EPM2A: variants seen among roughly 807,000 people sequenced by gnomAD.
The protein encoded by EPM2A is laforin.
In EPM2A, 21 loss-of-function variants were observed where a neutral mutation model predicts 26.5. That is an observed-to-expected ratio of 0.79 (90% CI 0.56 to 1.14). The LOEUF is 1.14. EPM2A is among the 50% of genes most tolerant of loss of function. The pLI is 0.00. For missense variants in EPM2A, 458 were observed against 440.8 expected, an observed-to-expected ratio of 1.04 and a Z score of -0.35; for synonymous variants, 217 against 177.6, an observed-to-expected ratio of 1.22 and a Z score of -1.76.
At chr6:145,663,334 TC>T (rs1421326278) in intron 2 of EPM2A, among the ~76,000 whole-genome samples, 1 of 152,162 alleles carries the variant, frequency 6.6e-6, no homozygotes, top group East Asian at 1.9e-4. Context: ...TTTCTGCATT[TC>T]CATCTGAGGT....
intron 2 of EPM2A, among the ~76,000 whole-genome samples, chr6:145,583,044 TC>T (rs1781136661): frequency 6.6e-6 from 1 of 152,218 alleles, no homozygotes; most frequent in Admixed American, 6.5e-5. Flanking sequence ...ACTTTGTCTT[TC>T]ATTTCCCGTC....
In EPM2A at chr6:145,651,923, C is replaced by T. The variant is rs150176164; in HGVS notation, c.477-16437G>A. 2.5e-3 allele frequency among the ~76,000 whole-genome samples: 375 copies of T among 152,104 alleles called. 1 individual carries two copies. The highest frequency in any genetic ancestry group is 8.2e-3 in the African/African-American group (342 of 41,476). On this transcript the variant is annotated intron_variant, in intron 2 of 3. Transcript: ENST00000367519. ...AATGTCTGTGTGTGAAAATTCTATCCGCCCTCTTCTCATTGGTATTTAAGG... is the reference window on the plus strand; with the variant it reads ...AATGTCTGTGTGTGAAAATTCTATCTGCCCTCTTCTCATTGGTATTTAAGG...
chr6:145,573,609 G>T (rs1582865909), intron 2 of EPM2A, among the ~76,000 whole-genome samples: 2 of 152,172 alleles, frequency 1.3e-5, no homozygotes, highest in African/African-American at 2.4e-5. Flanking sequence ...ATCCCTCCAG[G>T]GATGCAATAT....
intron 4 of EPM2A, among the ~76,000 whole-genome samples, chr6:145,452,259 C>T (rs973738779): frequency 1.2e-4 from 19 of 152,114 alleles, no homozygotes; most frequent in African/African-American, 4.6e-4. Flanking sequence ...CACAAAATCA[C>T]GCTCTTTTTC....
intron 2 of EPM2A, among the ~76,000 whole-genome samples, chr6:145,564,223 C>T (rs1485709799): frequency 6.6e-6 from 1 of 152,136 alleles, no homozygotes; most frequent in Non-Finnish European, 1.5e-5. Context: ...ATACAGAAAG[C>T]TAACTGTATA....
At chr6:145,427,232 T>G (rs535736773) in intron 4 of EPM2A, among the ~76,000 whole-genome samples, 1 of 152,276 alleles carries the variant, frequency 6.6e-6, no homozygotes, top group African/African-American at 2.4e-5. Flanking sequence ...AACCAATGAC[T>G]GAGAGATATG....
intron 1 of EPM2A, among the ~76,000 whole-genome samples, chr6:145,724,683 G>A (rs1329401052): frequency 6.6e-6 from 1 of 151,950 alleles, no homozygotes; most frequent in Non-Finnish European, 1.5e-5. Context: ...TGAATAGAGA[G>A]CACAGAAATG....
intron 4 of EPM2A, among the ~76,000 whole-genome samples, chr6:145,486,085 T>G (rs1256200063): frequency 6.6e-6 from 1 of 152,208 alleles, no homozygotes; most frequent in Non-Finnish European, 1.5e-5. Context: ...AGCTGTGGGT[T>G]GGCTGAGAGT....
rs80268999 is a variant in EPM2A at position 145,401,881 on chromosome 6, A to T, written c.556-17784T>A. ...TAATAAGCCATTGAGTAAAATAATA[A>T]TTAGTGAGTCAATGCTAATATAAAT... On this transcript the variant is annotated intron_variant, in intron 4 of 4. Transcript: ENST00000638717. 6.1e-3 allele frequency among the ~76,000 whole-genome samples: 932 copies of T among 152,220 alleles called. 8 individuals carry two copies. Among genetic ancestry groups the T allele is most frequent in the African/African-American group, 0.022 (899 of 41,546 alleles).
In EPM2A at chr6:145,649,703, C is replaced by T. The variant is rs377652440; in HGVS notation, c.477-14217G>A. Among the ~76,000 whole-genome samples the T allele has an allele frequency of 1.3e-4, 20 of 152,302 alleles. No homozygotes were observed. In the South Asian group the frequency reaches 3.9e-3, roughly 30 times the overall value. ...CTCATGGGCCAAATTCAGTCTTCCA[C>T]CTATTTTTGTAAATAAAGTTTTATT... is the stretch of plus-strand genomic sequence containing the variant. On this transcript the variant is annotated intron_variant, in intron 2 of 3. Transcript: ENST00000367519.
intron 2 of EPM2A, among the ~76,000 whole-genome samples, chr6:145,673,361 G>A (rs1779788673): frequency 6.6e-6 from 1 of 152,160 alleles, no homozygotes; most frequent in Non-Finnish European, 1.5e-5. Flanking sequence ...TGTGATCGAC[G>A]CAGAAGATAG....
At chr6:145,482,877 T>TTC (rs397803185) in intron 4 of EPM2A, among the ~76,000 whole-genome samples, 47 of 151,908 alleles carry the variant, frequency 3.1e-4, no homozygotes, top group African/African-American at 9.4e-4. Flanking sequence ...TTTTTTTTTT[T>TTC]CTGTGGCTTA....
chr6:145,725,284 TAAC>T (rs1776144836), intron 1 of EPM2A, among the ~76,000 whole-genome samples: 1 of 152,000 alleles, frequency 6.6e-6, no homozygotes, highest in Non-Finnish European at 1.5e-5. Flanking sequence ...TCCAAAACAC[TAAC>T]AACATCGACA....
At position 145,507,154 on chromosome 6, in the gene EPM2A, C is replaced by T. The variant is rs182293248; in HGVS notation, c.341-4579G>A. On this transcript the variant is annotated intron_variant, in intron 2 of 3. Transcript: ENST00000450221. ...CATATCTTCTTTGCTACAAGGTATG[C>T]ATTTTTATTTCACCTTGGTTATCTC... is the stretch of plus-strand genomic sequence containing the variant. Among the ~76,000 whole-genome samples the T allele has an allele frequency of 5.9e-5, 9 of 152,318 alleles. No homozygotes were observed. The East Asian group carries it at 1.7e-3, about 29-fold the overall frequency.
At chr6:145,471,632 T>C (rs1220542377) in intron 4 of EPM2A, among the ~76,000 whole-genome samples, 1 of 152,082 alleles carries the variant, frequency 6.6e-6, no homozygotes, top group African/African-American at 2.4e-5. Flanking sequence ...AACACAGCAA[T>C]TCTGAGGCAC....
chr6:145,486,273 T>G (rs951499135), intron 4 of EPM2A, among the ~76,000 whole-genome samples: 1 of 152,056 alleles, frequency 6.6e-6, no homozygotes, highest in Non-Finnish European at 1.5e-5. Flanking sequence ...AGGTGGGAGG[T>G]GCTAAGGATA....
At chr6:145,565,000 C>G (rs1298452910) in intron 2 of EPM2A, among the ~76,000 whole-genome samples, 3 of 152,132 alleles carry the variant, frequency 2.0e-5, no homozygotes, top group Non-Finnish European at 4.4e-5. Context: ...GAAGAGGCCT[C>G]CCTGATAAAG....
intron 1 of EPM2A, among the ~76,000 whole-genome samples, chr6:145,713,803 A>G (rs1583107204): frequency 6.6e-6 from 1 of 152,214 alleles, no homozygotes; most frequent in Non-Finnish European, 1.5e-5. Context: ...TCACAGCACC[A>G]TTATTTTAAA....
chr6:145,725,830 T>G, intron 1 of EPM2A, among the ~76,000 whole-genome samples: 1 of 152,076 alleles, frequency 6.6e-6, no homozygotes, highest in Non-Finnish European at 1.5e-5. Flanking sequence ...GAAATGAGAC[T>G]ATCATAATGA....
Sources: allele counts gnomAD v4.1 joint callset (sites outside exome capture counted in the v4.1 genomes callset), GRCh38; gene constraint gnomAD v4.1.1; transcripts MANE v1.5; gene names NCBI Gene and HGNC (gene_info 2026-07-23, HGNC 2026-07-21).